Variants in RPS6KC1 observed in about 807,000 individuals in gnomAD.
RPS6KC1 encodes the protein inactive ribosomal protein S6 kinase delta-1.
Under a neutral mutation model 103.8 loss-of-function variants are expected in RPS6KC1, and 54 were observed. That is an observed-to-expected ratio of 0.52 (90% confidence interval 0.42 to 0.65). RPS6KC1 has a LOEUF of 0.65. Among genes scored for constraint, RPS6KC1 ranks in the 30% least tolerant of loss-of-function variants. RPS6KC1 has a pLI of 0.00. For synonymous variants in RPS6KC1, 439 were observed against 438.7 expected (o/e 1.00, Z -0.01); for missense variants, 1,151 against 1,253.8 (o/e 0.92, Z 1.24).
the RPS6KC1 span, among the ~76,000 whole-genome samples, chr1:213,649,913 G>A: frequency 1.3e-5 from 2 of 152,150 alleles, no homozygotes; most frequent in Admixed American, 6.5e-5. Context: ...ATTTGATCCC[G>A]AGCAATATCT....
the RPS6KC1 span, among the ~76,000 whole-genome samples, chr1:213,469,188 A>G: frequency 2.0e-5 from 3 of 152,122 alleles, no homozygotes; most frequent in Admixed American, 6.5e-5. Flanking sequence ...TGGCTCAGAG[A>G]GATGCAGGAT....
At chr1:213,728,786 G>T in the RPS6KC1 span, among the ~76,000 whole-genome samples, 1 of 151,986 alleles carries the variant, frequency 6.6e-6, no homozygotes, top group Non-Finnish European at 1.5e-5. Flanking sequence ...ACTCCTCCGC[G>T]CTCTTGGCTT....
At chr1:213,509,326 A>G in the RPS6KC1 span, among the ~76,000 whole-genome samples, 3 of 152,194 alleles carry the variant, frequency 2.0e-5, no homozygotes, top group African/African-American at 7.2e-5. Flanking sequence ...ATCTTTAAAG[A>G]AAGAGAGTTG....
the RPS6KC1 span, among the ~76,000 whole-genome samples, chr1:213,661,218 A>G: frequency 7.9e-5 from 12 of 152,326 alleles, no homozygotes; most frequent in Admixed American, 5.9e-4. Flanking sequence ...GTTGATAACT[A>G]TAGGACTGAC....
chr1:213,446,609 G>A, the RPS6KC1 span, among the ~76,000 whole-genome samples: 105,673 of 152,030 alleles, frequency 0.7, 36,963 homozygotes, highest in East Asian at 0.86. Context: ...GCCACAAAAC[G>A]CCTTCCCACC....
intron 6 of RPS6KC1, among the ~76,000 whole-genome samples, chr1:213,138,817 A>C (rs2086680888): frequency 6.6e-6 from 1 of 152,178 alleles, no homozygotes; most frequent in African/African-American, 2.4e-5. Context: ...TGTGATAAAC[A>C]TGTGTGCATG....
chr1:213,757,500 A>AGGT, the RPS6KC1 span, among the ~76,000 whole-genome samples: 1 of 152,172 alleles, frequency 6.6e-6, no homozygotes, highest in East Asian at 1.9e-4. Flanking sequence ...AAGACTGGAG[A>AGGT]GGTGAGGAAA....
the RPS6KC1 span, among the ~76,000 whole-genome samples, chr1:213,773,249 G>GCCAAACTTCCCT: frequency 6.6e-6 from 1 of 151,916 alleles, no homozygotes; most frequent in East Asian, 1.9e-4. Flanking sequence ...CCCTGTTGCA[G>GCCAAACTTCCCT]GCCCTTTGGA....
the RPS6KC1 span, among the ~76,000 whole-genome samples, chr1:213,340,312 C>T: frequency 6.6e-6 from 1 of 152,208 alleles, no homozygotes; most frequent in African/African-American, 2.4e-5. Context: ...AGAGCCTCTG[C>T]TTTGCTGCCG....
chr1:213,343,389 G>GTATATATA, the RPS6KC1 span, among the ~76,000 whole-genome samples: 8 of 65,832 alleles, frequency 1.2e-4, 1 homozygote, highest in African/African-American at 4.6e-4. Flanking sequence ...TCAGTGTTGT[G>GTATATATA]TGTATATATA....
intron 3 of RPS6KC1, among the ~76,000 whole-genome samples, chr1:213,095,645 T>C (rs1170006771): frequency 3.9e-5 from 6 of 152,206 alleles, no homozygotes; most frequent in African/African-American, 1.2e-4. Flanking sequence ...CTCAGAGATA[T>C]TGCAGATTTG....
the RPS6KC1 span, among the ~76,000 whole-genome samples, chr1:213,373,667 C>T: frequency 2.6e-5 from 4 of 152,146 alleles, no homozygotes; most frequent in African/African-American, 9.7e-5. Context: ...AACCAGATAT[C>T]CATACAGAAT....
the RPS6KC1 span, among the ~76,000 whole-genome samples, chr1:213,673,772 G>GT: frequency 2.6e-5 from 4 of 152,032 alleles, no homozygotes; most frequent in Non-Finnish European, 5.9e-5. Context: ...AATTGGGTTT[G>GT]TTTTTTTCCT....
At chr1:213,433,587 G>T in the RPS6KC1 span, among the ~76,000 whole-genome samples, 4 of 152,278 alleles carry the variant, frequency 2.6e-5, no homozygotes, top group African/African-American at 9.6e-5. Flanking sequence ...ATTTTACGTT[G>T]CCATTATCAA....
At chr1:213,519,467 G>A in the RPS6KC1 span, among the ~76,000 whole-genome samples, 28 of 152,300 alleles carry the variant, frequency 1.8e-4, no homozygotes, top group South Asian at 4.1e-4. Flanking sequence ...GAATGAGTGC[G>A]TAGATGTTGC....
At chr1:213,694,203 A>G in the RPS6KC1 span, among the ~76,000 whole-genome samples, 1 of 152,220 alleles carries the variant, frequency 6.6e-6, no homozygotes, top group Non-Finnish European at 1.5e-5. Flanking sequence ...TGACTTTAAG[A>G]GAAGAGAATT....
At chr1:213,117,189 C>A in intron 4 of RPS6KC1, 128 bp from the exon 5 acceptor site, 1 of 523,042 alleles carries the variant, frequency 1.9e-6, no homozygotes, top group East Asian at 3.2e-5. Context: ...CACTTGTCAT[C>A]TAGTTTAATA....
At chr1:213,580,281 T>C in the RPS6KC1 span, among the ~76,000 whole-genome samples, 1 of 152,170 alleles carries the variant, frequency 6.6e-6, no homozygotes, top group African/African-American at 2.4e-5. Flanking sequence ...GCTGCAGATA[T>C]GGTAGAAATA....
At chr1:213,549,739 C>A in the RPS6KC1 span, among the ~76,000 whole-genome samples, 1 of 151,132 alleles carries the variant, frequency 6.6e-6, no homozygotes, top group African/African-American at 2.4e-5. Context: ...TGACCCTGGG[C>A]CAGTTACTCC....
Sources: allele counts gnomAD v4.1 joint callset (sites outside exome capture counted in the v4.1 genomes callset), GRCh38; gene constraint gnomAD v4.1.1; transcripts MANE v1.5; gene names NCBI Gene and HGNC (gene_info 2026-07-23, HGNC 2026-07-21).